NMNAT2: variants seen among roughly 807,000 people sequenced by gnomAD.
NMNAT2 encodes the protein nicotinamide/nicotinic acid mononucleotide adenylyltransferase 2.
Under a neutral mutation model 41.6 loss-of-function variants are expected in NMNAT2, and 11 were observed. That is an observed-to-expected ratio of 0.26 (90% confidence interval 0.17 to 0.44). The LOEUF is 0.44. Ranked by LOEUF, NMNAT2 falls within the 20% of genes least tolerant of loss-of-function variation. The pLI, the probability that NMNAT2 is intolerant of heterozygous loss-of-function variation, is 1.00. For synonymous variants in NMNAT2, 148 were observed against 151.2 expected (o/e 0.98, Z 0.16); for missense variants, 288 against 407.7 (o/e 0.71, Z 2.53).
At chr1:183,288,880 C>T (rs1435631855) in intron 4 of NMNAT2, among the ~76,000 whole-genome samples, 2 of 152,200 alleles carry the variant, frequency 1.3e-5, no homozygotes, top group African/African-American at 4.8e-5. Flanking sequence ...CCCAAGTCAG[C>T]CTCCTTTGAA....
At position 183,282,379 on chromosome 1, in the gene NMNAT2, T is replaced by C. The variant is rs187023069; in HGVS notation, c.574+1616A>G. On this transcript the variant is annotated intron_variant, in intron 7 of 10. Coordinates refer to ENST00000287713, the MANE Select transcript of NMNAT2 (RefSeq NM_015039.4). ...CCCTCCCGAGGTAGCCGTGAGCTAA[T>C]GGAAGTGAACACAGCAGTACGCTGT... 9.9e-5 allele frequency among the ~76,000 whole-genome samples: 15 copies of C among 152,258 alleles called. No individual in the cohort carries two copies. The East Asian group carries it at 2.3e-3, about 24-fold the overall frequency.
Position 183,322,874 on chromosome 1 carries a change from A to C in NMNAT2, c.86-29081T>G, listed in dbSNP as rs189129190. On this transcript the variant is annotated intron_variant, in intron 1 of 10. Transcript: ENST00000287713. ...TCCAAGCCCTAATCTCAGAAATCTA[A>C]TTATCTGCTTGACATCTCTACCTTG... 5.9e-5 allele frequency among the ~76,000 whole-genome samples: 9 copies of C among 152,236 alleles called. No individual in the cohort carries two copies. The East Asian group carries it at 1.7e-3, about 29-fold the overall frequency.
rs1660283553 is a variant in NMNAT2, at chr1:183,248,377, A to T, written c.*4264T>A. The T allele has an allele frequency of 6.6e-6, 1 of 152,666 alleles. No individual in the cohort carries two copies. The highest frequency in any genetic ancestry group is 1.5e-5 in the Non-Finnish European group (1 of 68,046). The allele number at this position is 152,666 out of a possible 1,614,324, so 9.5% of individuals were successfully genotyped here. A position where few individuals can be genotyped will look rare whatever the true frequency, so the allele number is the denominator to read the frequency against. ...GCAACTTGAATATCATTTTTTATTA[A>T]TGAATTGATTTCCATAAAGCAAATC... On this transcript the variant is annotated 3_prime_UTR_variant, in exon 11 of 11. Coordinates refer to ENST00000287713, the MANE Select transcript of NMNAT2 (RefSeq NM_015039.4).
chr1:183,332,015 T>G (rs1662597549), intron 1 of NMNAT2, among the ~76,000 whole-genome samples: 1 of 151,520 alleles, frequency 6.6e-6, no homozygotes, highest in South Asian at 2.1e-4. Flanking sequence ...ACTCCTGACC[T>G]CACGTGATCC....
intron 1 of NMNAT2, among the ~76,000 whole-genome samples, chr1:183,412,838 T>G (rs993483131): frequency 6.6e-6 from 1 of 152,238 alleles, no homozygotes; most frequent in Admixed American, 6.5e-5. Context: ...TTACTATCTC[T>G]TCTACTGCCT....
At chr1:183,321,382 AAG>A (rs1334965139) in intron 1 of NMNAT2, among the ~76,000 whole-genome samples, 2 of 152,232 alleles carry the variant, frequency 1.3e-5, no homozygotes, top group Non-Finnish European at 1.5e-5. Context: ...ATTTAGATGA[AAG>A]AGAAAGAGGT....
intron 8 of NMNAT2, among the ~76,000 whole-genome samples, chr1:183,273,713 TTTC>T (rs1661043350): frequency 1.3e-5 from 2 of 152,134 alleles, no homozygotes; most frequent in Admixed American, 1.3e-4. Flanking sequence ...CAGCTCTATT[TTTC>T]TTTCTTTCTC....
At chr1:183,329,719 C>T (rs913734187) in intron 1 of NMNAT2, among the ~76,000 whole-genome samples, 1 of 152,140 alleles carries the variant, frequency 6.6e-6, no homozygotes. Context: ...TCTTGATAAC[C>T]CCCAAGGTGA....
At chr1:183,309,728 C>T (rs959562355) in intron 1 of NMNAT2, among the ~76,000 whole-genome samples, 1 of 152,092 alleles carries the variant, frequency 6.6e-6, no homozygotes, top group Non-Finnish European at 1.5e-5. Flanking sequence ...GCAGCACTGT[C>T]CCCCCAAGCC....
chr1:183,327,045 TG>T (rs1662481008), intron 1 of NMNAT2, among the ~76,000 whole-genome samples: 2 of 140,296 alleles, frequency 1.4e-5, no homozygotes, highest in East Asian at 4.9e-4. Flanking sequence ...TATGTATGTA[TG>T]TATGTATGTA....
At chr1:183,345,605 C>A (rs921081670) in intron 1 of NMNAT2, among the ~76,000 whole-genome samples, 3 of 152,198 alleles carry the variant, frequency 2.0e-5, no homozygotes, top group Non-Finnish European at 4.4e-5. Context: ...ACAGAGGCCC[C>A]CCAGCAGGAA....
intron 1 of NMNAT2, among the ~76,000 whole-genome samples, chr1:183,410,488 G>A (rs1649086306): frequency 6.6e-6 from 1 of 152,056 alleles, no homozygotes; most frequent in African/African-American, 2.4e-5. Flanking sequence ...ACTGACATTT[G>A]GGATGCAGGT....
intron 1 of NMNAT2, among the ~76,000 whole-genome samples, chr1:183,323,741 T>C (rs1045653327): frequency 1.3e-5 from 2 of 152,108 alleles, no homozygotes; most frequent in Admixed American, 1.3e-4. Flanking sequence ...CCCCCCAGCT[T>C]GTCATCCTTG....
At chr1:183,348,283 C>T (rs1349578939) in intron 1 of NMNAT2, among the ~76,000 whole-genome samples, 3 of 152,172 alleles carry the variant, frequency 2.0e-5, no homozygotes, top group Middle Eastern at 6.8e-3. Flanking sequence ...CGTGCGTGCA[C>T]GTGTCCACAA....
chr1:183,416,228 G>C (rs1649248086), intron 1 of NMNAT2, among the ~76,000 whole-genome samples: 1 of 152,206 alleles, frequency 6.6e-6, no homozygotes, highest in African/African-American at 2.4e-5. Context: ...TGTTTCTCTT[G>C]TAATCTAAAA....
chr1:183,366,280 T>C (rs930008274), intron 1 of NMNAT2, among the ~76,000 whole-genome samples: 12 of 152,250 alleles, frequency 7.9e-5, no homozygotes, highest in African/African-American at 2.7e-4. Flanking sequence ...ACTTCACCTC[T>C]GTGCCTCATT....
intron 1 of NMNAT2, among the ~76,000 whole-genome samples, chr1:183,315,996 A>G (rs1662242921): frequency 6.6e-6 from 1 of 152,220 alleles, no homozygotes; most frequent in Non-Finnish European, 1.5e-5. Flanking sequence ...TTTGATTCTT[A>G]GAGCTTTTTC....
At chr1:183,322,928 A>G (rs1662382488) in intron 1 of NMNAT2, among the ~76,000 whole-genome samples, 1 of 152,068 alleles carries the variant, frequency 6.6e-6, no homozygotes, top group Non-Finnish European at 1.5e-5. Flanking sequence ...CTCAATACAC[A>G]TAAAACTAGA....
At chr1:183,340,604 A>T (rs892038684) in intron 1 of NMNAT2, among the ~76,000 whole-genome samples, 2 of 152,278 alleles carry the variant, frequency 1.3e-5, no homozygotes, top group Non-Finnish European at 1.5e-5. Context: ...GATTACAGGC[A>T]TGAGCCACCG....
Sources: allele counts gnomAD v4.1 joint callset (sites outside exome capture counted in the v4.1 genomes callset), GRCh38; gene constraint gnomAD v4.1.1; transcripts MANE v1.5; gene names NCBI Gene and HGNC (gene_info 2026-07-23, HGNC 2026-07-21).